Variants in CRK observed in about 807,000 individuals in gnomAD.
CRK encodes CRK proto-oncogene, adaptor protein, also known as adapter molecule crk.
In CRK, 4 loss-of-function variants were observed where a neutral mutation model predicts 29.8. The observed-to-expected ratio is 0.13, with a 90% CI of 0.07 to 0.31. The LOEUF (loss-of-function observed/expected upper bound fraction) is 0.31, where lower values mean the gene tolerates loss of function less well. CRK is among the 10% of genes least tolerant of loss of function. The pLI is 1.00. For missense variants in CRK, 274 were observed against 396.5 expected (o/e 0.69, Z 2.62); for synonymous variants, 153 against 164.9 (o/e 0.93, Z 0.55).
At chr17:1,451,433 T>C (rs916198810) in intron 1 of CRK, among the ~76,000 whole-genome samples, 2 of 151,654 alleles carry the variant, frequency 1.3e-5, no homozygotes, top group Admixed American at 1.3e-4. Context: ...GGTTTCACCA[T>C]GTTGGCCAGG....
At chr17:1,452,762 C>T (rs182498211) in intron 1 of CRK, among the ~76,000 whole-genome samples, 1 of 148,910 alleles carries the variant, frequency 6.7e-6, no homozygotes, top group South Asian at 2.1e-4. Context: ...TGCGCTCCAG[C>T]GTGGGAGACA....
In CRK at chr17:1,436,692, A is replaced by G; in HGVS notation, c.705T>C (p.Asn235=). ...SVNTPLPNLQ[N]GPIYARVIQK... is the part of the protein sequence containing the mutation. ...GGATAACCCTGGCATATATGGGCCC[A>G]TTCTGGAGGTTAGGGAGCGGAGTGT... is the stretch of plus-strand genomic sequence containing the variant. The change falls in exon 2 of 3, where the codon AAT becomes AAC. Residue 235 remains asparagine (N), a synonymous_variant. Coordinates refer to ENST00000300574, the MANE Select transcript of CRK (RefSeq NM_016823.4). 2 of 1,612,682 alleles carry G rather than the reference A, an allele frequency of 1.2e-6. No homozygotes were observed. Among genetic ancestry groups the G allele is most frequent in the Admixed American group, 1.7e-5 (1 of 59,504 alleles).
chr17:1,443,544 C>T (rs868675932), intron 1 of CRK, among the ~76,000 whole-genome samples: 163 of 151,706 alleles, frequency 1.1e-3, no homozygotes, highest in Middle Eastern at 0.01. Flanking sequence ...TACAGGCGCC[C>T]GCCACCACGC....
chr17:1,437,226 A>AT, intron 1 of CRK, 71 bp from the exon 2 acceptor site: 30 of 1,467,954 alleles, frequency 2.0e-5, no homozygotes, highest in Non-Finnish European at 2.1e-5. Flanking sequence ...TTTTATTTTT[A>AT]TTTTTTTTAG....
At chr17:1,431,849 A>G (rs1468242005) in intron 2 of CRK, among the ~76,000 whole-genome samples, 1 of 152,230 alleles carries the variant, frequency 6.6e-6, no homozygotes, top group African/African-American at 2.4e-5. Flanking sequence ...AACTGTTACA[A>G]TCTGACAATA....
intron 1 of CRK, among the ~76,000 whole-genome samples, chr17:1,449,584 A>G (rs1215621516): frequency 6.6e-6 from 1 of 152,198 alleles, no homozygotes. Flanking sequence ...TAGGTAAATA[A>G]GGCCCAACCC....
chr17:1,433,327 A>G (rs1215576300), intron 2 of CRK, among the ~76,000 whole-genome samples: 2 of 152,108 alleles, frequency 1.3e-5, no homozygotes, highest in African/African-American at 4.8e-5. Flanking sequence ...GCCTTGATCC[A>G]GACTTGCTTT....
In CRK at chr17:1,456,064, C is replaced by T; in HGVS notation, c.54G>A (p.Leu18=). 2 of 1,593,148 alleles carry T rather than the reference C, an allele frequency of 1.3e-6. No individual in the cohort carries two copies. The highest frequency in any genetic ancestry group is 1.1e-5 in the South Asian group (1 of 88,752). The change falls in exon 1 of 3, where the codon TTG becomes TTA. Residue 18 remains leucine (L), a synonymous_variant. Coordinates refer to ENST00000300574, the MANE Select transcript of CRK (RefSeq NM_016823.4). ...GCAGCGCCACCGCCTCCTGCCGACT[C>T]AACCTCCCCCAGTACCAGCTACTCC... ...EERSSWYWGR[L]SRQEAVALLQ... is the part of the protein sequence containing the mutation.
intron 1 of CRK, among the ~76,000 whole-genome samples, chr17:1,442,984 C>T (rs7209907): frequency 2.8e-4 from 39 of 140,150 alleles, no homozygotes; most frequent in African/African-American, 8.1e-4. Context: ...CCCTTTCTTT[C>T]TTTTTTTTTT....
intron 2 of CRK, chr17:1,424,987 C>T (rs945615256): frequency 2.6e-5 from 4 of 151,920 alleles, no homozygotes; most frequent in African/African-American, 9.7e-5. Flanking sequence ...GCACTCCAGC[C>T]TGGGCAACAG....
Position 1,423,003 on chromosome 17 carries a change from G to T in CRK, c.*510C>A. 1 of 399,198 alleles carries T rather than the reference G, an allele frequency of 2.5e-6. No individual in the cohort carries two copies. The highest frequency in any genetic ancestry group is 4.4e-6 in the Non-Finnish European group (1 of 226,280). 24.7% of individuals were successfully genotyped at this position (399,198 alleles called of 1,614,324 possible). ...TCTTAGAATTCTTAGGATCTGAAAT[G>T]TCAGAATGAGTCACACGCTGGTCAT... On this transcript the variant is annotated 3_prime_UTR_variant, in exon 3 of 3. Transcript: ENST00000300574.
chr17:1,428,489 TG>T (rs1348196748), intron 2 of CRK, among the ~76,000 whole-genome samples: 9 of 151,358 alleles, frequency 5.9e-5, no homozygotes, highest in African/African-American at 2.2e-4. Flanking sequence ...AAAGGAACTA[TG>T]TGTAAATTAG....
At chr17:1,436,207 C>T (rs866210933) in intron 2 of CRK, among the ~76,000 whole-genome samples, 6 of 152,014 alleles carry the variant, frequency 3.9e-5, no homozygotes, top group South Asian at 2.1e-4. Flanking sequence ...CAAGTTTTTG[C>T]GGGAAAATTC....
chr17:1,435,779 T>TC (rs1251039537), intron 2 of CRK, among the ~76,000 whole-genome samples: 2 of 151,978 alleles, frequency 1.3e-5, no homozygotes, highest in East Asian at 3.8e-4. Flanking sequence ...TGCCTTAGCC[T>TC]CCCAGAGCAC....
At chr17:1,428,658 G>A (rs979939249) in intron 2 of CRK, among the ~76,000 whole-genome samples, 3 of 150,176 alleles carry the variant, frequency 2.0e-5, no homozygotes, top group Admixed American at 1.3e-4. Context: ...TGAGTAGCTG[G>A]GACTACAGGC....
chr17:1,454,320 C>G (rs1222818316), intron 1 of CRK, among the ~76,000 whole-genome samples: 1 of 152,198 alleles, frequency 6.6e-6, no homozygotes, highest in African/African-American at 2.4e-5. Context: ...GCTGGTGGAT[C>G]ACCTGAGGTC....
At chr17:1,439,158 C>G (rs2073914482) in intron 1 of CRK, among the ~76,000 whole-genome samples, 1 of 152,124 alleles carries the variant, frequency 6.6e-6, no homozygotes, top group Non-Finnish European at 1.5e-5. Context: ...TGCAGTGGCA[C>G]AATCTCGACT....
intron 1 of CRK, among the ~76,000 whole-genome samples, chr17:1,450,333 A>C (rs536032309): frequency 2.0e-4 from 31 of 151,664 alleles, no homozygotes; most frequent in South Asian, 1.5e-3. Flanking sequence ...ACGGTGAAAC[A>C]CCTCTCTACT....
At chr17:1,433,837 T>G (rs1457281842) in intron 2 of CRK, among the ~76,000 whole-genome samples, 3 of 150,872 alleles carry the variant, frequency 2.0e-5, no homozygotes, top group African/African-American at 2.4e-5. Flanking sequence ...TTTTTTTTTT[T>G]TTTTTTTTTT....
Sources: allele counts gnomAD v4.1 joint callset (sites outside exome capture counted in the v4.1 genomes callset), GRCh38; gene constraint gnomAD v4.1.1; transcripts MANE v1.5; gene names NCBI Gene and HGNC (gene_info 2026-07-23, HGNC 2026-07-21).